CNTNAP2: variants seen among roughly 807,000 people sequenced by gnomAD.
CNTNAP2 encodes the protein contactin associated protein 2.
In CNTNAP2, 98 loss-of-function variants were observed where a neutral mutation model predicts 155.2. The observed-to-expected ratio is 0.63, with a 90% CI of 0.54 to 0.75. The LOEUF is 0.75. Among genes scored for constraint, CNTNAP2 ranks in the 30% least tolerant of loss-of-function variants. CNTNAP2 has a pLI of 0.00. For missense variants in CNTNAP2, 1,727 were observed against 1,688.1 expected, an observed-to-expected ratio of 1.02 and a Z score of -0.40; for synonymous variants, 651 against 631.2, an observed-to-expected ratio of 1.03 and a Z score of -0.47.
rs193198944 is a variant in CNTNAP2, at chr7:146,779,476, G to A, written c.208+5095G>A. 2.9e-3 allele frequency among the ~76,000 whole-genome samples: 445 copies of A among 152,218 alleles called. 4 individuals carry two copies. Among genetic ancestry groups the A allele is most frequent in the African/African-American group, 0.01 (431 of 41,528 alleles). ...CACCAGATGAGGTAATATCAGTGCT[G>A]CCTTTTTGAATTAGCCCAATGATGG... On this transcript the variant is annotated intron_variant, in intron 2 of 23. Coordinates refer to ENST00000361727, the MANE Select transcript of CNTNAP2 (RefSeq NM_014141.6).
chr7:148,200,462 A>G (rs1310587923), intron 18 of CNTNAP2, among the ~76,000 whole-genome samples: 1 of 150,130 alleles, frequency 6.7e-6, no homozygotes, highest in Non-Finnish European at 1.5e-5. Context: ...TGGCACAATC[A>G]TGGCTCACTG....
intron 13 of CNTNAP2, among the ~76,000 whole-genome samples, chr7:147,750,782 T>C (rs1449958835): frequency 6.6e-6 from 1 of 152,194 alleles, no homozygotes; most frequent in Non-Finnish European, 1.5e-5. Context: ...CTCATGCCTG[T>C]AATCCTGGCA....
intron 21 of CNTNAP2, among the ~76,000 whole-genome samples, chr7:148,276,259 T>C (rs1796868847): frequency 6.6e-6 from 1 of 152,194 alleles, no homozygotes; most frequent in African/African-American, 2.4e-5. Context: ...GAAGTTTACC[T>C]GGGAGACAAT....
At chr7:146,895,173 C>A (rs548938819) in intron 3 of CNTNAP2, among the ~76,000 whole-genome samples, 1 of 151,770 alleles carries the variant, frequency 6.6e-6, no homozygotes, top group South Asian at 2.1e-4. Context: ...CCCCTTCCAG[C>A]CTTCTTTCCC....
chr7:147,464,360 G>A (rs923570930), intron 10 of CNTNAP2, among the ~76,000 whole-genome samples: 12 of 151,778 alleles, frequency 7.9e-5, no homozygotes, highest in African/African-American at 2.2e-4. Context: ...CCAGCTACAC[G>A]GGAGGCTGAG....
At chr7:146,982,664 T>C (rs1397842064) in intron 3 of CNTNAP2, among the ~76,000 whole-genome samples, 1 of 152,180 alleles carries the variant, frequency 6.6e-6, no homozygotes, top group Non-Finnish European at 1.5e-5. Context: ...CAATGGACCA[T>C]AAGATACTTA....
At chr7:147,202,538 A>G (rs1354434354) in intron 8 of CNTNAP2, among the ~76,000 whole-genome samples, 1 of 152,174 alleles carries the variant, frequency 6.6e-6, no homozygotes, top group East Asian at 1.9e-4. Context: ...ATGTCCTCTA[A>G]GAGATATTAG....
intron 1 of CNTNAP2, among the ~76,000 whole-genome samples, chr7:146,665,192 G>A (rs564920926): frequency 6.6e-6 from 1 of 152,224 alleles, no homozygotes; most frequent in Non-Finnish European, 1.5e-5. Context: ...CAGGTGATCT[G>A]CCCATCTTGG....
At chr7:147,089,895 G>A (rs1022835651) in intron 4 of CNTNAP2, among the ~76,000 whole-genome samples, 11 of 152,324 alleles carry the variant, frequency 7.2e-5, no homozygotes, top group African/African-American at 2.4e-4. Context: ...TAGTGAGGGG[G>A]CAGTGCCAGA....
At chr7:147,452,126 T>C (rs1797843504) in intron 10 of CNTNAP2, among the ~76,000 whole-genome samples, 1 of 152,150 alleles carries the variant, frequency 6.6e-6, no homozygotes, top group Non-Finnish European at 1.5e-5. Context: ...AATAATGAAA[T>C]GACATGAGTG....
At chr7:147,076,373 C>T (rs554938944) in intron 4 of CNTNAP2, among the ~76,000 whole-genome samples, 73 of 152,188 alleles carry the variant, frequency 4.8e-4, no homozygotes, top group African/African-American at 1.3e-3. Context: ...TGCATTTCCC[C>T]GATGGCCAGT....
At chr7:146,796,146 G>T (rs1370788202) in intron 2 of CNTNAP2, among the ~76,000 whole-genome samples, 4 of 152,056 alleles carry the variant, frequency 2.6e-5, no homozygotes, top group Admixed American at 2.0e-4. Flanking sequence ...AAACAGAAAG[G>T]CATGCTTTAT....
At chr7:147,240,712 G>T (rs1188503543) in intron 8 of CNTNAP2, among the ~76,000 whole-genome samples, 2 of 152,114 alleles carry the variant, frequency 1.3e-5, no homozygotes, top group African/African-American at 4.8e-5. Flanking sequence ...CCAATGTTTG[G>T]TTTGGCCAGC....
intron 14 of CNTNAP2, among the ~76,000 whole-genome samples, chr7:147,933,055 G>A (rs1365998798): frequency 1.3e-5 from 1 of 76,600 alleles, no homozygotes; most frequent in African/African-American, 4.3e-5. Context: ...TTATTTGAGG[G>A]GGTTTGTTTG....
intron 1 of CNTNAP2, among the ~76,000 whole-genome samples, chr7:146,257,471 A>G (rs954849879): frequency 6.6e-6 from 1 of 152,180 alleles, no homozygotes; most frequent in Non-Finnish European, 1.5e-5. Context: ...TTGACTTTCC[A>G]TTTTCAAAAA....
intron 11 of CNTNAP2, chr7:147,496,723 T>G (rs4725743): frequency 1.3e-5 from 2 of 151,982 alleles, no homozygotes; most frequent in African/African-American, 4.8e-5. Flanking sequence ...TCAGTGAGGA[T>G]TCTCTTGATT....
chr7:147,648,994 G>C lies in CNTNAP2; in HGVS notation c.2098+9688G>C, dbSNP rs374375860. Reference sequence around the variant, plus strand: ...ATCTCTTCAACCACTATGAAAGAACGTTTTCCCTCTTGTCATTTTCTTTTT... The same window carrying C: ...ATCTCTTCAACCACTATGAAAGAACCTTTTCCCTCTTGTCATTTTCTTTTT... On this transcript the variant is annotated intron_variant, in intron 13 of 23. Transcript: ENST00000361727. Among the ~76,000 whole-genome samples the C allele has an allele frequency of 5.9e-5, 9 of 152,228 alleles. No individual in the cohort carries two copies. The East Asian group carries it at 1.5e-3, about 26-fold the overall frequency.
intron 15 of CNTNAP2, among the ~76,000 whole-genome samples, chr7:147,984,190 G>A (rs932981480): frequency 1.2e-4 from 19 of 152,274 alleles, no homozygotes; most frequent in African/African-American, 4.1e-4. Context: ...CACTCTTGTC[G>A]CCATCTTGGT....
chr7:146,866,769 G>C (rs1048149647), intron 3 of CNTNAP2, among the ~76,000 whole-genome samples: 1 of 151,958 alleles, frequency 6.6e-6, no homozygotes, highest in African/African-American at 2.4e-5. Flanking sequence ...AGCAGAGTTG[G>C]AAACATTTGT....
Sources: gnomAD v4.1 joint callset for allele counts (sites outside exome capture counted in the v4.1 genomes callset) on GRCh38, gnomAD v4.1.1 for gene constraint, MANE v1.5 for transcripts, NCBI Gene and HGNC (gene_info 2026-07-23, HGNC 2026-07-21) for gene names.